Variants in RASGRF2 observed in about 807,000 individuals in gnomAD.
RASGRF2 encodes Ras protein specific guanine nucleotide releasing factor 2.
Under a neutral mutation model 151.0 loss-of-function variants are expected in RASGRF2, and 76 were observed. The observed-to-expected ratio is 0.50, with a 90% CI of 0.42 to 0.61. The LOEUF (loss-of-function observed/expected upper bound fraction) is 0.61. Among genes scored for constraint, RASGRF2 ranks in the 20% least tolerant of loss-of-function variants. The pLI, the probability that RASGRF2 is intolerant of heterozygous loss-of-function variation, is 0.00. For missense variants in RASGRF2, 1,148 were observed against 1,564.6 expected (o/e 0.73, Z 4.49); for synonymous variants, 504 against 566.5 (o/e 0.89, Z 1.57).
rs745714299 is a variant in RASGRF2 at position 81,180,227 on chromosome 5, G to A, written c.2739G>A (p.Thr913=). ...TCDKEFIIRR[T]ATNRVLNVLR... Reference sequence around the variant, plus strand: ...ATAAAGAGTTTATTATACGGAGAACGGCTACCAATCGAGTTCTGAACGTCC... The same window carrying A: ...ATAAAGAGTTTATTATACGGAGAACAGCTACCAATCGAGTTCTGAACGTCC... Residue 913 remains threonine (T), a synonymous_variant, in exon 18 of 27, where the codon ACG becomes ACA. Coordinates refer to ENST00000265080, the MANE Select transcript of RASGRF2 (RefSeq NM_006909.3). The A allele has an allele frequency of 5.0e-6, 8 of 1,612,636 alleles. No individual in the cohort carries two copies. Among genetic ancestry groups the A allele is most frequent in the South Asian group, 3.3e-5 (3 of 91,008 alleles).
chr5:81,049,625 G>A (rs1750945967), intron 2 of RASGRF2, among the ~76,000 whole-genome samples: 1 of 152,130 alleles, frequency 6.6e-6, no homozygotes, highest in Non-Finnish European at 1.5e-5. Flanking sequence ...CCATTCCCCA[G>A]ACTTAGGTCG....
At chr5:81,126,956 T>G (rs1753472317) in intron 16 of RASGRF2, 118 bp from the exon 17 acceptor site, 11 of 1,056,686 alleles carry the variant, frequency 1.0e-5, no homozygotes, top group Non-Finnish European at 1.5e-5. Context: ...TTAACAGAGA[T>G]AATACAGGGC....
rs1580418465 is a variant in RASGRF2, at chr5:81,222,504, C to T, written c.3621+2726C>T. Reference sequence around the variant, plus strand: ...ACTTAGGAAGACTTTCCTAACTTTCCCAATCCCCACTCCACTCTTAAGGTT... The same window carrying T: ...ACTTAGGAAGACTTTCCTAACTTTCTCAATCCCCACTCCACTCTTAAGGTT... On this transcript the variant is annotated intron_variant, in intron 26 of 26. Coordinates refer to ENST00000265080, the MANE Select transcript of RASGRF2 (RefSeq NM_006909.3). Among the ~76,000 whole-genome samples, 3 of 152,278 alleles carry T rather than the reference C, an allele frequency of 2.0e-5. No homozygotes were observed. The South Asian group carries it at 6.2e-4, about 32-fold the overall frequency.
chr5:80,994,674 C>T (rs1030840657), intron 1 of RASGRF2, among the ~76,000 whole-genome samples: 13 of 152,190 alleles, frequency 8.5e-5, no homozygotes, highest in Non-Finnish European at 1.9e-4. Context: ...GAAGAACCCC[C>T]TCTGAGCTTG....
intron 18 of RASGRF2, among the ~76,000 whole-genome samples, chr5:81,196,156 G>T (rs925032440): frequency 6.6e-6 from 1 of 152,180 alleles, no homozygotes; most frequent in African/African-American, 2.4e-5. Context: ...CTGCTCGGGA[G>T]GCTGAGGTGT....
chr5:81,041,840 C>T (rs1007697611), intron 1 of RASGRF2, among the ~76,000 whole-genome samples: 1 of 152,162 alleles, frequency 6.6e-6, no homozygotes, highest in Non-Finnish European at 1.5e-5. Context: ...CTCCCTCATG[C>T]GATTCCTTTG....
intron 1 of RASGRF2, among the ~76,000 whole-genome samples, chr5:81,028,601 C>A (rs10068195): frequency 0.11 from 17,304 of 152,088 alleles, 1,231 homozygotes; most frequent in Non-Finnish European, 0.16. Flanking sequence ...AGCTGTGAAT[C>A]AAGGACAGGT....
At chr5:81,158,819 C>A (rs1041715470) in intron 17 of RASGRF2, among the ~76,000 whole-genome samples, 23 of 152,144 alleles carry the variant, frequency 1.5e-4, no homozygotes, top group South Asian at 1.0e-3. Context: ...AACAGGAACC[C>A]TCATACATTA....
chr5:81,039,209 A>G (rs1174773749), intron 1 of RASGRF2, among the ~76,000 whole-genome samples: 1 of 152,154 alleles, frequency 6.6e-6, no homozygotes, highest in Non-Finnish European at 1.5e-5. Context: ...AAGATTTCCT[A>G]GTATTTTACT....
chr5:81,065,396 G>A (rs569258023), intron 2 of RASGRF2, among the ~76,000 whole-genome samples: 54 of 152,160 alleles, frequency 3.5e-4, no homozygotes, highest in Middle Eastern at 3.4e-3. Context: ...TTGTGTCCAC[G>A]GTGAATGTCT....
chr5:81,189,755 A>C (rs1209374062), intron 18 of RASGRF2, among the ~76,000 whole-genome samples: 3 of 136,890 alleles, frequency 2.2e-5, no homozygotes, highest in Non-Finnish European at 4.6e-5. Context: ...CTCTGTCTCC[A>C]TGCTGGAGTT....
rs1391961152 is a variant in RASGRF2 at position 81,056,422 on chromosome 5, A to G, written c.396-11610A>G. Among the ~76,000 whole-genome samples the G allele has an allele frequency of 7.9e-5, 12 of 152,116 alleles. 1 individual carries two copies. The highest frequency in any genetic ancestry group is 2.9e-4 in the African/African-American group (12 of 41,420). On this transcript the variant is annotated intron_variant, in intron 2 of 26. Coordinates refer to ENST00000265080, the MANE Select transcript of RASGRF2 (RefSeq NM_006909.3). ...TTCAGGAGCAGGTTGTTCAGTTTCC[A>G]TGTAGTTGAGCGGTTTTGAGTGAGT...
chr5:81,176,643 C>G (rs1309597477), intron 17 of RASGRF2, among the ~76,000 whole-genome samples: 5 of 147,348 alleles, frequency 3.4e-5, no homozygotes, highest in African/African-American at 1.2e-4. Context: ...CAAGGGCTTT[C>G]TCCATGGTGA....
At chr5:81,117,731 TG>T (rs1394746672) in intron 15 of RASGRF2, among the ~76,000 whole-genome samples, 1 of 152,144 alleles carries the variant, frequency 6.6e-6, no homozygotes, top group Admixed American at 6.5e-5. Context: ...CAGATACGGG[TG>T]AGACCTGAAT....
intron 1 of RASGRF2, among the ~76,000 whole-genome samples, chr5:81,008,400 T>A (rs1419172532): frequency 6.6e-6 from 1 of 152,040 alleles, no homozygotes; most frequent in East Asian, 1.9e-4. Context: ...ATCCACCTGC[T>A]TCAGCCTCCC....
At chr5:81,222,836 G>A (rs758876331) in intron 26 of RASGRF2, among the ~76,000 whole-genome samples, 5 of 151,964 alleles carry the variant, frequency 3.3e-5, no homozygotes, top group Non-Finnish European at 5.9e-5. Flanking sequence ...TATAAAAATT[G>A]GAAAGGTAAA....
intron 17 of RASGRF2, among the ~76,000 whole-genome samples, chr5:81,175,953 C>T (rs1471618980): frequency 2.0e-5 from 3 of 152,108 alleles, no homozygotes; most frequent in Non-Finnish European, 2.9e-5. Context: ...AACCAGATGT[C>T]ATCTCTCCAA....
intron 26 of RASGRF2, 54 bp from the exon 27 acceptor site, chr5:81,225,624 G>A: frequency 3.8e-6 from 6 of 1,578,506 alleles, no homozygotes; most frequent in East Asian, 4.7e-5. Flanking sequence ...GTCAGAAAAT[G>A]TACGCACTGG....
intron 23 of RASGRF2, 55 bp from the exon 24 acceptor site, chr5:81,215,821 T>C: frequency 6.9e-7 from 1 of 1,450,482 alleles, no homozygotes; most frequent in Non-Finnish European, 9.0e-7. Context: ...GGCAATTCAC[T>C]GTCTTTTTAA....
Sources: allele counts gnomAD v4.1 joint callset (sites outside exome capture counted in the v4.1 genomes callset), GRCh38; gene constraint gnomAD v4.1.1; transcripts MANE v1.5; gene names NCBI Gene and HGNC (gene_info 2026-07-23, HGNC 2026-07-21).